CEACAM20: variants seen among roughly 807,000 people sequenced by gnomAD.
CEACAM20 encodes the protein cell adhesion molecule CEACAM20.
A neutral mutation model predicts 61.2 loss-of-function variants in CEACAM20; 50 were observed. That is an observed-to-expected ratio of 0.82 (90% CI 0.65 to 1.03). The LOEUF (loss-of-function observed/expected upper bound fraction) is 1.03, where lower values mean the gene tolerates loss of function less well. CEACAM20 is among the 50% of genes least tolerant of loss of function. CEACAM20 has a pLI of 0.00. For missense variants in CEACAM20, 683 were observed against 736.4 expected (o/e 0.93, Z 0.84); for synonymous variants, 282 against 287.7 (o/e 0.98, Z 0.20).
At chr19:44,510,543 GGAAGGAAAGAAA>G (rs1555674176) in intron 11 of CEACAM20, among the ~76,000 whole-genome samples, 2 of 48,922 alleles carry the variant, frequency 4.1e-5, no homozygotes, top group Non-Finnish European at 8.5e-5. Context: ...AAGGAAGGAA[GGAAGGAAAGAAA>G]GAAAGAAAGA....
At chr19:44,526,061 C>T (rs924550107) in intron 1 of CEACAM20, among the ~76,000 whole-genome samples, 1 of 152,230 alleles carries the variant, frequency 6.6e-6, no homozygotes, top group Non-Finnish European at 1.5e-5. Flanking sequence ...TGTAATTCCT[C>T]CTGTCAGCCC....
intron 11 of CEACAM20, among the ~76,000 whole-genome samples, chr19:44,510,563 AG>A: frequency 2.6e-5 from 1 of 38,688 alleles, no homozygotes; most frequent in East Asian, 2.0e-3. Context: ...AAAGAAAGAA[AG>A]AAAGAAAGAA....
chr19:44,519,013 C>T (rs931963103), intron 5 of CEACAM20, among the ~76,000 whole-genome samples: 1 of 152,134 alleles, frequency 6.6e-6, no homozygotes, highest in African/African-American at 2.4e-5. Flanking sequence ...AAATCCCACT[C>T]GGAGATTCCA....
intron 7 of CEACAM20, 55 bp downstream of exon 7, chr19:44,513,117 G>A: frequency 1.4e-6 from 2 of 1,431,786 alleles, no homozygotes; most frequent in South Asian, 1.2e-5. Context: ...CCCGGCAAGC[G>A]CCCCCTGCTG....
rs916921581 is a variant in CEACAM20 at position 44,511,236 on chromosome 19, G to A, written c.1612-81C>T. 41 of 1,528,668 alleles carry A rather than the reference G, an allele frequency of 2.7e-5. No homozygotes were observed. In the East Asian group the frequency reaches 2.7e-4, roughly 10 times the overall value. 94.7% of individuals were successfully genotyped at this position (1,528,668 alleles called of 1,614,324 possible). A position where few individuals can be genotyped will look rare whatever the true frequency, so the allele number is the denominator to read the frequency against. ...TACCAACTTACACTCTTCAGGGACC[G>A]AGAGAGTGGAAGGAATCTGTTCAGG... is the stretch of plus-strand genomic sequence containing the variant. On this transcript the variant is annotated intron_variant, in intron 10 of 11. Coordinates refer to ENST00000614924, the MANE Select transcript of CEACAM20 (RefSeq NM_001102597.3).
chr19:44,520,864 G>T, intron 4 of CEACAM20, 112 bp from the exon 5 acceptor site: 1 of 932,312 alleles, frequency 1.1e-6, no homozygotes, highest in Non-Finnish European at 1.6e-6. Flanking sequence ...GTGTGTGTGT[G>T]TGTGTTACAG....
At chr19:44,523,859 A>T in intron 3 of CEACAM20, 127 bp downstream of exon 3, 1 of 1,029,686 alleles carries the variant, frequency 9.7e-7, no homozygotes, top group Non-Finnish European at 1.4e-6. Flanking sequence ...GATGTCAAAC[A>T]GTTATATGTC....
chr19:44,516,912 G>C, intron 6 of CEACAM20, 34 bp downstream of exon 6: 1 of 1,569,956 alleles, frequency 6.4e-7, no homozygotes, highest in South Asian at 1.2e-5. Context: ...AAGGCCCCTC[G>C]GGTCCTGGGA....
intron 4 of CEACAM20, 100 bp from the exon 5 acceptor site, chr19:44,520,852 GTGT>G: frequency 1.1e-6 from 1 of 895,764 alleles, no homozygotes; most frequent in Non-Finnish European, 1.6e-6. Context: ...GTGCGTGTGT[GTGT>G]GTGTGTGTGT....
chr19:44,514,095 T>G (rs1031320521), intron 6 of CEACAM20, among the ~76,000 whole-genome samples: 4 of 152,152 alleles, frequency 2.6e-5, no homozygotes, highest in African/African-American at 9.7e-5. Context: ...CGGCTTTCAC[T>G]TAGAGCCCCT....
chr19:44,512,888 T>C lies in CEACAM20; in HGVS notation c.1493A>G (p.His498Arg). Residue 498 changes from histidine (H) to arginine (R), a missense_variant, in exon 8 of 12, where the codon CAC (histidine) becomes CGC (arginine). His to Arg is a conservative substitution (Grantham distance 29). Transcript: ENST00000614924. The part of the protein sequence containing the change: ...ETSQPIPKEE[H>R]PTEPSSESLS... The stretch of plus-strand genomic sequence containing the variant: ...CTTACCGGAACTGGGCTCTGTGGGG[T>C]GCTCCTCCTTCGGGATGGGTTGTGA... The C allele has an allele frequency of 6.2e-7, 1 of 1,613,576 alleles. No homozygotes were observed. The highest frequency in any genetic ancestry group is 2.2e-5 in the East Asian group (1 of 44,840).
In CEACAM20 at chr19:44,514,632, T is replaced by C. The variant is rs147985109; in HGVS notation, c.1310-1343A>G. On this transcript the variant is annotated intron_variant, in intron 6 of 11. Coordinates refer to ENST00000614924, the MANE Select transcript of CEACAM20 (RefSeq NM_001102597.3). Reference sequence around the variant, plus strand: ...CCTGGCTAATTTGTGTGTGTGTGTGTATTTTTAGTAGAGATGGGGTTTCGC... The same window carrying C: ...CCTGGCTAATTTGTGTGTGTGTGTGCATTTTTAGTAGAGATGGGGTTTCGC... Among the ~76,000 whole-genome samples the C allele has an allele frequency of 1.5e-4, 23 of 152,030 alleles. No individual in the cohort carries two copies. In the East Asian group the frequency reaches 4.5e-3, roughly 29 times the overall value.
rs769067425 is a variant in CEACAM20, at chr19:44,522,789, T to C, written c.596A>G (p.Tyr199Cys). ...AATGGAGTCAAGGAGAAACCAAGTATAGGCACAGGGTGGGTGAGACTTTGT... is the reference window on the plus strand; with the variant it reads ...AATGGAGTCAAGGAGAAACCAAGTACAGGCACAGGGTGGGTGAGACTTTGT... ...AETKSHPPCA[Y>C]TWFLLDSILS... Residue 199 changes from tyrosine to cysteine, a missense_variant, in exon 4 of 12, where the codon TAT becomes TGT. By Grantham distance (194) the Tyr-to-Cys change is radical. Coordinates refer to ENST00000614924, the MANE Select transcript of CEACAM20 (RefSeq NM_001102597.3). The C allele has an allele frequency of 4.3e-6, 7 of 1,613,644 alleles. No individual in the cohort carries two copies. The highest frequency in any genetic ancestry group is 4.0e-5 in the African/African-American group (3 of 74,878).
chr19:44,511,353 T>G (rs1208370708), intron 10 of CEACAM20, among the ~76,000 whole-genome samples, 198 bp from the exon 11 acceptor site: 1 of 152,220 alleles, frequency 6.6e-6, no homozygotes, highest in Non-Finnish European at 1.5e-5. Flanking sequence ...ATCTGCAACC[T>G]CTACTCCCAG....
At position 44,512,892 on chromosome 19, in the gene CEACAM20, C is replaced by T. The variant is rs73560086; in HGVS notation, c.1489G>A (p.Glu497Lys). 5.9e-4 allele frequency: 954 copies of T among 1,613,782 alleles called. 9 individuals are homozygous for T. The African/African-American group carries it at 0.011, about 19-fold the overall frequency. Residue 497 changes from glutamate to lysine, a missense_variant, in exon 8 of 12, where the codon GAG becomes AAG. By Grantham distance (56) the Glu-to-Lys change is moderately conservative. Transcript: ENST00000614924. ...HETSQPIPKE[E>K]HPTEPSSESL... Reference sequence around the variant, plus strand: ...CCGGAACTGGGCTCTGTGGGGTGCTCCTCCTTCGGGATGGGTTGTGAGGTC... The same window carrying T: ...CCGGAACTGGGCTCTGTGGGGTGCTTCTCCTTCGGGATGGGTTGTGAGGTC...
Position 44,516,950 on chromosome 19 carries a change from C to T in CEACAM20, c.1305G>A (p.Val435=). ...AGGCGACCCTGAGAGACTCACCTAC[C>T]ACCTTGACCAGGACTGAAGTGGAGC... ...LARSTSVLVK[V]VGPQSSSLSS... is the part of the protein sequence containing the mutation. The change falls in exon 6 of 12, where the codon GTG becomes GTA. Residue 435 remains valine, a synonymous_variant. Coordinates refer to ENST00000614924, the MANE Select transcript of CEACAM20 (RefSeq NM_001102597.3). The T allele has an allele frequency of 6.3e-7, 1 of 1,595,986 alleles. No homozygotes were observed. Among genetic ancestry groups the T allele is most frequent in the Non-Finnish European group, 8.5e-7 (1 of 1,171,768 alleles).
chr19:44,528,145 TTTTC>T (rs1240227084), intron 1 of CEACAM20, among the ~76,000 whole-genome samples: 11,217 of 133,926 alleles, frequency 0.084, 492 homozygotes, highest in East Asian at 0.12. Flanking sequence ...TCTTTCTTTC[TTTTC>T]TTTCTTTCTT....
intron 6 of CEACAM20, among the ~76,000 whole-genome samples, chr19:44,514,120 C>G (rs1971087435): frequency 6.6e-6 from 1 of 152,176 alleles, no homozygotes. Flanking sequence ...TCACTGCGGC[C>G]ATGTGACCCT....
At chr19:44,514,222 C>G (rs1480878176) in intron 6 of CEACAM20, among the ~76,000 whole-genome samples, 1 of 152,158 alleles carries the variant, frequency 6.6e-6, no homozygotes, top group Non-Finnish European at 1.5e-5. Flanking sequence ...AATGTTAACA[C>G]CTGGCACATA....
Sources: gnomAD v4.1 joint callset for allele counts (sites outside exome capture counted in the v4.1 genomes callset) on GRCh38, gnomAD v4.1.1 for gene constraint, MANE v1.5 for transcripts, NCBI Gene and HGNC (gene_info 2026-07-23, HGNC 2026-07-21) for gene names.